RPS29: variants seen among roughly 807,000 people sequenced by gnomAD.
The protein encoded by RPS29 is small ribosomal subunit protein uS14.
For missense variants in RPS29, 60 were observed against 75.7 expected (o/e 0.79, Z 0.77); for synonymous variants, 37 against 26.9 (o/e 1.37, Z -1.16).
rs746913874 is a variant in RPS29, at chr14:49,586,318, T to C, written c.29A>G (p.His10Arg). The C allele has an allele frequency of 6.2e-7, 1 of 1,613,954 alleles. No homozygotes were observed. Among genetic ancestry groups the C allele is most frequent in the Non-Finnish European group, 8.5e-7 (1 of 1,179,852 alleles). ...AGAACCCTGGCCGAATTTTCGCGGG[T>C]GGCTCCAGTACAGCTGCTGGTGACC... MGHQQLYWS[H>R]PRKFGQGSRS... Residue 10 changes from histidine to arginine, a missense_variant, in exon 1 of 3, where the codon CAC (histidine) becomes CGC (arginine). By Grantham distance (29) the His-to-Arg change is conservative. Coordinates refer to ENST00000245458, the MANE Select transcript of RPS29 (RefSeq NM_001032.5).
chr14:49,594,615 T>C (rs546016843), intron 1 of RPS29, among the ~76,000 whole-genome samples: 2 of 152,292 alleles, frequency 1.3e-5, no homozygotes, highest in East Asian at 1.9e-4. Flanking sequence ...CCAAACAAAA[T>C]AGGGCCAGAA....
At chr14:49,584,228 C>T (rs1260215161) in intron 2 of RPS29, among the ~76,000 whole-genome samples, 5 of 152,220 alleles carry the variant, frequency 3.3e-5, no homozygotes, top group African/African-American at 4.8e-5. Context: ...CCCATCTTGT[C>T]GGCCTCCCAA....
At chr14:49,586,868 A>G (rs1357806746), upstream of RPS29, 1 of 160,738 alleles carries the variant, frequency 6.2e-6, no homozygotes, top group Non-Finnish European at 1.4e-5. Context: ...ACATAGCGAG[A>G]CCCCGTCTCT....
chr14:49,596,607 CTTT>C (rs1566487655), intron 1 of RPS29, among the ~76,000 whole-genome samples: 1 of 152,074 alleles, frequency 6.6e-6, no homozygotes, highest in African/African-American at 2.4e-5. Context: ...TGGAAACTAC[CTTT>C]TTTAAGACTG....
chr14:49,578,407 C>T (rs549803906), intron 2 of RPS29, among the ~76,000 whole-genome samples: 1 of 152,186 alleles, frequency 6.6e-6, no homozygotes. Flanking sequence ...TCAAATGCTG[C>T]TAACATAATG....
intron 1 of RPS29, chr14:49,598,279 C>A: frequency 1.7e-6 from 1 of 597,190 alleles, no homozygotes; most frequent in Non-Finnish European, 3.0e-6. Context: ...TCCCACTCCC[C>A]AGCCGGGCCC....
At chr14:49,580,413 A>G (rs1169662734), downstream of RPS29, among the ~76,000 whole-genome samples, 1 of 152,108 alleles carries the variant, frequency 6.6e-6, no homozygotes, top group Non-Finnish European at 1.5e-5. Context: ...TCTTTCCTAG[A>G]CACTTCCCCA....
intron 2 of RPS29, among the ~76,000 whole-genome samples, chr14:49,584,555 A>T (rs748598255): frequency 1.3e-5 from 2 of 152,120 alleles, no homozygotes; most frequent in African/African-American, 2.4e-5. Context: ...TCCTGAGGTC[A>T]GGACCTCAAG....
chr14:49,581,724 A>G (rs1881340196), downstream of RPS29, among the ~76,000 whole-genome samples: 1 of 152,116 alleles, frequency 6.6e-6, no homozygotes, highest in South Asian at 2.1e-4. Context: ...GGTTCCTTCA[A>G]CAAACCTTGT....
intron 1 of RPS29, among the ~76,000 whole-genome samples, chr14:49,594,501 G>A (rs77378532): frequency 0.036 from 5,535 of 152,238 alleles, 308 homozygotes; most frequent in African/African-American, 0.12. Flanking sequence ...GTAAATAATC[G>A]TGGAAACACA....
At chr14:49,577,872 AC>A in intron 2 of RPS29, 2 of 1,570,022 alleles carry the variant, frequency 1.3e-6, no homozygotes, top group Non-Finnish European at 1.7e-6. Context: ...GTAAAAGAGG[AC>A]CCATAAAAAG....
chr14:49,582,630 T>C (rs1484457429), downstream of RPS29, among the ~76,000 whole-genome samples: 4 of 152,366 alleles, frequency 2.6e-5, no homozygotes, highest in East Asian at 1.9e-4. Flanking sequence ...ATTTGTACAA[T>C]TGTTATCCAC....
At chr14:49,593,159 T>C (rs1195194337) in intron 1 of RPS29, among the ~76,000 whole-genome samples, 1 of 152,204 alleles carries the variant, frequency 6.6e-6, no homozygotes, top group African/African-American at 2.4e-5. Flanking sequence ...TCTAGCACAA[T>C]GCATGCTTTC....
exon 3 of RPS29, chr14:49,577,497 A>G: frequency 2.0e-6 from 1 of 512,706 alleles, no homozygotes; most frequent in Non-Finnish European, 3.6e-6. Context: ...AAGAAACATC[A>G]TGAGTGATCT....
downstream of RPS29, chr14:49,583,493 G>A (rs927710257): frequency 1.6e-6 from 1 of 609,714 alleles, no homozygotes; most frequent in Non-Finnish European, 2.7e-6. Flanking sequence ...CGACAGAGGG[G>A]GACTCAGTCT....
intron 1 of RPS29, among the ~76,000 whole-genome samples, chr14:49,592,779 A>C (rs1330633594): frequency 6.6e-6 from 1 of 151,448 alleles, no homozygotes; most frequent in African/African-American, 2.4e-5. Context: ...GTGGTGGTGC[A>C]TGCCTGTAAT....
chr14:49,575,315 T>A (rs966273566), exon 3 of RPS29: 1 of 152,352 alleles, frequency 6.6e-6, no homozygotes. Flanking sequence ...ACTGCTAGGA[T>A]TACAGGCGTA....
chr14:49,571,102 A>C (rs1160638850), exon 3 of RPS29: 1 of 152,212 alleles, frequency 6.6e-6, no homozygotes, highest in African/African-American at 2.4e-5. Context: ...TACCATTTCC[A>C]CGAGTTTAGC....
At chr14:49,588,030 T>A (rs1881628208), upstream of RPS29, among the ~76,000 whole-genome samples, 1 of 152,208 alleles carries the variant, frequency 6.6e-6, no homozygotes, top group African/African-American at 2.4e-5. Context: ...TTTTACAACT[T>A]TCCTATAATT....
Sources: gnomAD v4.1 joint callset for allele counts (sites outside exome capture counted in the v4.1 genomes callset) on GRCh38, gnomAD v4.1.1 for gene constraint, MANE v1.5 for transcripts, NCBI Gene and HGNC (gene_info 2026-07-23, HGNC 2026-07-21) for gene names.